Variants in RBM6 observed in about 807,000 individuals in gnomAD.
RBM6 encodes RNA binding motif protein 6.
A neutral mutation model predicts 140.4 loss-of-function variants in RBM6; 23 were observed. The observed-to-expected ratio is 0.16, with a 90% confidence interval of 0.12 to 0.23. The LOEUF is 0.23. Among genes scored for constraint, RBM6 ranks in the 10% least tolerant of loss-of-function variants. The pLI is 1.00. For missense variants in RBM6, 1,139 were observed against 1,386.7 expected (o/e 0.82, Z 2.84); for synonymous variants, 439 against 475.6 (o/e 0.92, Z 1.00).
chr3:49,975,235 T>C, intron 4 of RBM6, 88 bp from the exon 5 acceptor site: 1 of 1,146,884 alleles, frequency 8.7e-7, no homozygotes, highest in South Asian at 1.3e-5. Flanking sequence ...GGCTTTAAAT[T>C]ATGTATGATA....
chr3:49,943,909 A>G (rs1043704357), intron 1 of RBM6, among the ~76,000 whole-genome samples: 1 of 152,040 alleles, frequency 6.6e-6, no homozygotes, highest in Non-Finnish European at 1.5e-5. Context: ...TTTTTGATAA[A>G]TTTGTGTGTG....
chr3:49,975,682 A>C (rs2085034383), intron 5 of RBM6, among the ~76,000 whole-genome samples: 1 of 152,230 alleles, frequency 6.6e-6, no homozygotes, highest in African/African-American at 2.4e-5. Flanking sequence ...TAAACTTGCT[A>C]TGCATGTTCT....
chr3:50,024,637 G>A (rs1268242944), intron 6 of RBM6, among the ~76,000 whole-genome samples: 1 of 152,090 alleles, frequency 6.6e-6, no homozygotes, highest in Non-Finnish European at 1.5e-5. Context: ...GGATATACCT[G>A]GTTAACCACC....
chr3:50,008,831 G>A (rs541969710), intron 6 of RBM6, among the ~76,000 whole-genome samples: 43 of 152,254 alleles, frequency 2.8e-4, no homozygotes, highest in Non-Finnish European at 5.3e-4. Context: ...GATTATAGGC[G>A]TGAGCCACCG....
intron 1 of RBM6, among the ~76,000 whole-genome samples, chr3:49,947,123 G>T (rs376504552): frequency 6.6e-6 from 1 of 150,778 alleles, no homozygotes; most frequent in Admixed American, 6.6e-5. Context: ...GCAGTGGCAG[G>T]CGCCTGTAGT....
At chr3:50,001,108 T>C (rs2086307334) in intron 6 of RBM6, among the ~76,000 whole-genome samples, 1 of 152,130 alleles carries the variant, frequency 6.6e-6, no homozygotes, top group Non-Finnish European at 1.5e-5. Context: ...TCCACACCCA[T>C]AGATTCAACC....
At chr3:50,023,256 C>T (rs890537156) in intron 6 of RBM6, among the ~76,000 whole-genome samples, 2 of 151,968 alleles carry the variant, frequency 1.3e-5, no homozygotes, top group African/African-American at 4.8e-5. Context: ...TCTGTTTCTT[C>T]TTCTTGCTTT....
intron 1 of RBM6, among the ~76,000 whole-genome samples, chr3:49,951,027 G>C (rs1223289531): frequency 1.3e-5 from 2 of 152,160 alleles, no homozygotes; most frequent in East Asian, 1.9e-4. Flanking sequence ...TAGGAAGGAA[G>C]GTAATTCTGA....
intron 8 of RBM6, among the ~76,000 whole-genome samples, chr3:50,056,569 CAGGCGTGAGCCACCGCT>C: frequency 6.6e-6 from 1 of 152,326 alleles, no homozygotes; most frequent in Non-Finnish European, 1.5e-5. Context: ...GCTGGGATTA[CAGGCGTGAGCCACCGCT>C]CCCGGCCATG....
chr3:50,027,105 T>C (rs934088483), intron 6 of RBM6, among the ~76,000 whole-genome samples: 1 of 151,986 alleles, frequency 6.6e-6, no homozygotes, highest in African/African-American at 2.4e-5. Flanking sequence ...TGGGTAAGAA[T>C]TGGGATGTGA....
rs542749410 is a variant in RBM6 at position 49,958,401 on chromosome 3, A to AAAAAC, written c.-66-4160_-66-4156dup. 2.3e-3 allele frequency among the ~76,000 whole-genome samples: 353 copies of AAAAAC among 152,196 alleles called. 2 individuals carry two copies. Among genetic ancestry groups the AAAAAC allele is most frequent in the Admixed American group, 0.012 (180 of 15,270 alleles). On this transcript the variant is annotated intron_variant, in intron 1 of 20. Transcript: ENST00000266022. The stretch of plus-strand genomic sequence containing the variant: ...AAACCCCGTCTCCACTAAAAATACA[A>AAAAAC]AAAACAAAACAAAACAAAAAAAACT...
intron 1 of RBM6, among the ~76,000 whole-genome samples, chr3:49,946,023 G>A (rs2083470979): frequency 6.6e-6 from 1 of 151,932 alleles, no homozygotes; most frequent in Admixed American, 6.6e-5. Flanking sequence ...AGGTAGAAGG[G>A]GGCTGCCTGC....
intron 4 of RBM6, among the ~76,000 whole-genome samples, chr3:49,974,120 A>C (rs1268924007): frequency 6.6e-6 from 1 of 150,518 alleles, no homozygotes; most frequent in Non-Finnish European, 1.5e-5. Context: ...GATGGTCTCG[A>C]TCCCCTGACG....
At chr3:49,965,204 G>A (rs2084450458) in intron 2 of RBM6, among the ~76,000 whole-genome samples, 1 of 152,184 alleles carries the variant, frequency 6.6e-6, no homozygotes, top group Non-Finnish European at 1.5e-5. Context: ...TTTAGGCCAT[G>A]TTGGATGTGT....
At chr3:50,039,047 C>T (rs1191438464) in intron 6 of RBM6, among the ~76,000 whole-genome samples, 1 of 151,868 alleles carries the variant, frequency 6.6e-6, no homozygotes, top group Non-Finnish European at 1.5e-5. Flanking sequence ...ACATATTCTA[C>T]TTTGTGAGTA....
At chr3:49,948,564 A>C (rs1234136452) in intron 1 of RBM6, among the ~76,000 whole-genome samples, 2 of 151,790 alleles carry the variant, frequency 1.3e-5, no homozygotes, top group Non-Finnish European at 2.9e-5. Flanking sequence ...AATACAAAAA[A>C]TTAGCTGGGT....
chr3:50,028,946 T>C (rs907578075), intron 6 of RBM6, among the ~76,000 whole-genome samples: 4 of 152,226 alleles, frequency 2.6e-5, no homozygotes, highest in African/African-American at 9.6e-5. Context: ...GTTAGGTTTC[T>C]ACTGTATTTT....
chr3:49,968,122 G>A lies in RBM6; in HGVS notation c.697G>A (p.Val233Ile). ...LDFRDKDGTQ[V>I]DFRGRGSGTT... ...CTTTAGAGACAAAGACGGAACACAA[G>A]TAGACTTTAGAGGCCGAGGTTCAGG... The change falls in exon 3 of 21, where the codon GTA (valine) becomes ATA (isoleucine). Residue 233 changes from valine to isoleucine, a missense_variant. Around this residue, in one of 9 missense-constraint regions of RBM6, gnomAD observed 566 missense variants for 612.7 expected, o/e 0.92. Coordinates refer to ENST00000266022, the MANE Select transcript of RBM6 (RefSeq NM_005777.3). The A allele has an allele frequency of 6.2e-7, 1 of 1,614,066 alleles. No homozygotes were observed. The highest frequency in any genetic ancestry group is 2.2e-5 in the East Asian group (1 of 44,900).
In RBM6 at chr3:49,972,116, A is replaced by T; in HGVS notation, c.1381A>T (p.Ser461Cys). 1 of 1,613,426 alleles carries T rather than the reference A, an allele frequency of 6.2e-7. No homozygotes were observed. The highest frequency in any genetic ancestry group is 8.5e-7 in the Non-Finnish European group (1 of 1,179,384). Residue 461 changes from serine (S) to cysteine (C), a missense_variant, in exon 4 of 21, where the codon AGT (serine) becomes TGT (cysteine). Ser to Cys is a moderately radical substitution (Grantham distance 112, BLOSUM62 -1). Around this residue, in one of 9 missense-constraint regions of RBM6, gnomAD observed 566 missense variants for 612.7 expected, o/e 0.92. Transcript: ENST00000266022. ...EEKPSRLIRL[S>C]GVPEDATKEE... ...GAAACCCAGCAGGCTTATTCGATTA[A>T]GTGGGGTACCTGAAGATGCCACAAA...
Sources: allele counts gnomAD v4.1 joint callset (sites outside exome capture counted in the v4.1 genomes callset), GRCh38; gene constraint gnomAD v4.1.1; regional missense constraint gnomAD v4.1.1; transcripts MANE v1.5; gene names NCBI Gene and HGNC (gene_info 2026-07-23, HGNC 2026-07-21).